The following CACNA2D4 variants were observed in gnomAD, a reference collection of about 807,000 sequenced individuals.
CACNA2D4 encodes the protein calcium voltage-gated channel auxiliary subunit alpha2delta 4.
CACNA2D4 carries 157 observed loss-of-function variants against 163.8 expected under a neutral mutation model. The observed-to-expected ratio is 0.96, with a 90% CI of 0.84 to 1.09. CACNA2D4 has a LOEUF of 1.09. Among genes scored for constraint, CACNA2D4 ranks in the 50% least tolerant of loss-of-function variants. CACNA2D4 has a pLI of 0.00. For missense variants in CACNA2D4, 1,410 were observed against 1,479.9 expected (o/e 0.95, Z 0.78); for synonymous variants, 598 against 586.9 (o/e 1.02, Z -0.27).
At chr12:1,912,681 T>C (rs530717608) in intron 3 of CACNA2D4, among the ~76,000 whole-genome samples, 24 of 152,336 alleles carry the variant, frequency 1.6e-4, no homozygotes, top group African/African-American at 5.8e-4. Context: ...TCCTAGGTGC[T>C]CACCCCGTGC....
At chr12:1,891,070 C>G (rs929845368) in intron 6 of CACNA2D4, among the ~76,000 whole-genome samples, 3 of 152,194 alleles carry the variant, frequency 2.0e-5, no homozygotes, top group Non-Finnish European at 4.4e-5. Context: ...TGCCCAACAG[C>G]CTGGCCCACC....
At position 1,883,121 on chromosome 12, in the gene CACNA2D4, C is replaced by G. The variant is rs377709846; in HGVS notation, c.1352-121G>C. The G allele has an allele frequency of 1.7e-4, 193 of 1,161,852 alleles. No homozygotes were observed. The African/African-American group carries it at 2.8e-3, about 17-fold the overall frequency. The allele number at this position is 1,161,852 out of a possible 1,614,324, so 72.0% of individuals were successfully genotyped here. A position where few individuals can be genotyped will look rare whatever the true frequency, so the allele number is the denominator to read the frequency against. On this transcript the variant is annotated intron_variant, in intron 12 of 37. Coordinates refer to ENST00000382722, the MANE Select transcript of CACNA2D4 (RefSeq NM_172364.5). This position sits in a 1 kb window ranked among gnomAD's most constrained non-coding sequence, Gnocchi z 4.5. ...GCCGAATACTCTCTGGAAACTGGAC[C>G]GGGGCACAGGGAGCTGCTTCCCCAC...
intron 27 of CACNA2D4, 71 bp from the exon 28 acceptor site, chr12:1,810,658 G>T: frequency 6.9e-7 from 1 of 1,448,780 alleles, no homozygotes; most frequent in Non-Finnish European, 9.5e-7. Context: ...AAGTGGGAAT[G>T]CTGTGTGTGT....
chr12:1,881,479 C>G (rs1262578568), intron 13 of CACNA2D4, among the ~76,000 whole-genome samples: 1 of 152,240 alleles, frequency 6.6e-6, no homozygotes, highest in African/African-American at 2.4e-5. Flanking sequence ...GTGGCATGAC[C>G]ACAACACTCC....
chr12:1,837,354 T>C (rs1382664235), intron 26 of CACNA2D4, among the ~76,000 whole-genome samples: 1 of 152,052 alleles, frequency 6.6e-6, no homozygotes, highest in African/African-American at 2.4e-5. Flanking sequence ...CGGCAAACCA[T>C]GCTCTGGGCC....
intron 6 of CACNA2D4, among the ~76,000 whole-genome samples, chr12:1,889,623 A>G (rs1010872014): frequency 2.0e-4 from 31 of 152,186 alleles, no homozygotes; most frequent in Non-Finnish European, 3.8e-4. Context: ...CCAAGTTCCC[A>G]GCTTAATTTT....
In CACNA2D4 at chr12:1,811,450, C is replaced by T. The variant is rs116007297; in HGVS notation, c.2613+212G>A. ...GTGGCGAGAAGGGGTGACTCTGGGTCGTGCCCTCAGCACTGGGCTGGCAGG... is the reference window on the plus strand; with the variant it reads ...GTGGCGAGAAGGGGTGACTCTGGGTTGTGCCCTCAGCACTGGGCTGGCAGG... On this transcript the variant is annotated intron_variant, in intron 27 of 37. Coordinates refer to ENST00000382722, the MANE Select transcript of CACNA2D4 (RefSeq NM_172364.5). Among the ~76,000 whole-genome samples the T allele has an allele frequency of 4.0e-3, 605 of 152,286 alleles. 5 individuals are homozygous for T. Among genetic ancestry groups the T allele is most frequent in the African/African-American group, 0.014 (581 of 41,564 alleles).
chr12:1,859,043 C>T (rs59850857), intron 19 of CACNA2D4, among the ~76,000 whole-genome samples: 10,603 of 152,208 alleles, frequency 0.07, 849 homozygotes, highest in East Asian at 0.4. Flanking sequence ...CTCTCCTTGG[C>T]TGAACATCAG....
intron 27 of CACNA2D4, among the ~76,000 whole-genome samples, chr12:1,810,855 G>A (rs1261847013): frequency 6.6e-6 from 1 of 152,198 alleles, no homozygotes; most frequent in Non-Finnish European, 1.5e-5. Context: ...GTGTGTGTTA[G>A]CATTGTGTGC....
At chr12:1,845,355 G>GCTCT (rs1865120954) in intron 24 of CACNA2D4, among the ~76,000 whole-genome samples, 1 of 139,346 alleles carries the variant, frequency 7.2e-6, no homozygotes, top group African/African-American at 2.6e-5. Flanking sequence ...AGGCAGTGGT[G>GCTCT]CTCTGCCTTC....
In CACNA2D4 at chr12:1,869,110, G is replaced by A. The variant is rs188919696; in HGVS notation, c.1878+5494C>T. On this transcript the variant is annotated intron_variant, in intron 18 of 37. Coordinates refer to ENST00000382722, the MANE Select transcript of CACNA2D4 (RefSeq NM_172364.5). The surrounding 1 kb of genome is among the most constrained non-coding windows in gnomAD (Gnocchi z 4.7). ...TTAAATATATACAATCGAAAAGCAG[G>A]TCTAAAGCAAGAAAAAAATTCCTGT... is the stretch of plus-strand genomic sequence containing the variant. 3.9e-4 allele frequency among the ~76,000 whole-genome samples: 60 copies of A among 152,262 alleles called. No individual in the cohort carries two copies. The highest frequency in any genetic ancestry group is 1.4e-3 in the African/African-American group (58 of 41,548).
At chr12:1,800,667 G>A (rs556497555) in intron 31 of CACNA2D4, 197 of 600,084 alleles carry the variant, frequency 3.3e-4, no homozygotes, top group East Asian at 2.5e-4. Context: ...CAGACATCTC[G>A]GGTGGGGTTG....
chr12:1,869,023 T>C lies in CACNA2D4; in HGVS notation c.1878+5581A>G, dbSNP rs1309261194. ...GGGCATCCATGGATTTTGGTATCTT[T>C]GGGGTGTCCTGGTCCAATCCCCATG... On this transcript the variant is annotated intron_variant, in intron 18 of 37. Transcript: ENST00000382722. The surrounding 1 kb of genome is among the most constrained non-coding windows in gnomAD (Gnocchi z 4.7). Among the ~76,000 whole-genome samples the C allele has an allele frequency of 6.6e-6, 1 of 152,208 alleles. No homozygotes were observed. Among genetic ancestry groups the C allele is most frequent in the Non-Finnish European group, 1.5e-5 (1 of 68,022 alleles).
chr12:1,894,521 C>T (rs1866357290), intron 6 of CACNA2D4, among the ~76,000 whole-genome samples: 1 of 152,096 alleles, frequency 6.6e-6, no homozygotes, highest in South Asian at 2.1e-4. Flanking sequence ...TCCAACAGCA[C>T]ATCAAAAATA....
At chr12:1,911,626 A>G (rs1592752433) in intron 3 of CACNA2D4, among the ~76,000 whole-genome samples, 2 of 151,944 alleles carry the variant, frequency 1.3e-5, no homozygotes, top group Non-Finnish European at 2.9e-5. Context: ...CCCATACACC[A>G]CCCGCAGGAG....
rs1417741370 is a variant in CACNA2D4, at chr12:1,844,233, C to G, written c.2470+169G>C. 6.6e-6 allele frequency among the ~76,000 whole-genome samples: 1 copy of G among 152,078 alleles called. No homozygotes were observed. The highest frequency in any genetic ancestry group is 6.5e-5 in the Admixed American group (1 of 15,272). ...TGTGGTGTGGGAAGGTGCCAATGAG[C>G]TTTTTTAAGTCACTAATGCATGCAG... On this transcript the variant is annotated intron_variant, in intron 25 of 37. Transcript: ENST00000382722. The surrounding 1 kb of genome is among the most constrained non-coding windows in gnomAD (Gnocchi z 4.2).
chr12:1,875,128 TG>T lies in CACNA2D4; in HGVS notation c.1806+122del, dbSNP rs1865855762. The T allele has an allele frequency of 2.9e-6, 2 of 699,656 alleles. No homozygotes were observed. The highest frequency in any genetic ancestry group is 5.2e-6 in the Non-Finnish European group (2 of 386,344). 43.3% of individuals were successfully genotyped at this position (699,656 alleles called of 1,614,324 possible). On this transcript the variant is annotated intron_variant, in intron 17 of 37. Transcript: ENST00000382722. The surrounding 1 kb of genome is among the most constrained non-coding windows in gnomAD (Gnocchi z 4.0). ...TTGTGGCTTGAGCTTGGAAAGGCTC[TG>T]GGATGAACCTGTTCTGCCTGACAGG...
Position 1,818,113 on chromosome 12 carries a change from A to G in CACNA2D4, c.2552-6390T>C, listed in dbSNP as rs1489809231. Among the ~76,000 whole-genome samples, 6 of 146,056 alleles carry G rather than the reference A, an allele frequency of 4.1e-5. 1 individual carries two copies. The East Asian group carries it at 1.2e-3, about 29-fold the overall frequency. ...GCCCCACCGCCCCGTCTGGGATGTG[A>G]GGAGCGTCTCTTCCCGGCCGCGACC... is the stretch of plus-strand genomic sequence containing the variant. On this transcript the variant is annotated intron_variant, in intron 26 of 37. Coordinates refer to ENST00000382722, the MANE Select transcript of CACNA2D4 (RefSeq NM_172364.5).
rs1388615899 is a variant in CACNA2D4, at chr12:1,883,779, G to A, written c.1351+464C>T. On this transcript the variant is annotated intron_variant, in intron 12 of 37. Transcript: ENST00000382722. This position sits in a 1 kb window ranked among gnomAD's most constrained non-coding sequence, Gnocchi z 4.5. ...CTGCATCGTGGGTGGTGTTTTACTT[G>A]TATGTCTCCCTGCTGGACAATACTG... is the stretch of plus-strand genomic sequence containing the variant. Among the ~76,000 whole-genome samples the A allele has an allele frequency of 1.3e-5, 2 of 152,164 alleles. No individual in the cohort carries two copies. The highest frequency in any genetic ancestry group is 4.8e-5 in the African/African-American group (2 of 41,422).
Sources: gnomAD v4.1 joint callset for allele counts (sites outside exome capture counted in the v4.1 genomes callset) on GRCh38, gnomAD v4.1.1 for gene constraint, Gnocchi (gnomAD v3.1) non-coding constraint, MANE v1.5 for transcripts, NCBI Gene and HGNC (gene_info 2026-07-23, HGNC 2026-07-21) for gene names.